Variants in SLC16A7 observed in about 807,000 individuals in gnomAD.
SLC16A7 encodes monocarboxylate transporter 2.
Under a neutral mutation model 34.9 loss-of-function variants are expected in SLC16A7, and 33 were observed. The ratio of observed to expected loss-of-function variants is 0.94; its 90% CI spans 0.72 to 1.26. SLC16A7 has a LOEUF of 1.26. SLC16A7 is among the 50% of genes most tolerant of loss of function. The pLI is 0.00. For missense variants in SLC16A7, 573 were observed against 578.1 expected (o/e 0.99, Z 0.09); for synonymous variants, 201 against 206.6 (o/e 0.97, Z 0.23).
Position 59,785,460 on chromosome 12 carries a change from C to T in SLC16A7, c.*5781C>T, listed in dbSNP as rs1883544503. On this transcript the variant is annotated 3_prime_UTR_variant, in exon 6 of 6. Coordinates refer to ENST00000547379, the MANE Select transcript of SLC16A7 (RefSeq NM_001270623.2). ...AAATGAATTTTTGATTTTACAGAAG[C>T]ATATGGGAATTTAGATCAAATTACA... 6.6e-6 allele frequency: 1 copy of T among 152,176 alleles called. No individual in the cohort carries two copies. The highest frequency in any genetic ancestry group is 1.5e-5 in the Non-Finnish European group (1 of 68,020). The allele number at this position is 152,176 out of a possible 1,614,324, so 9.4% of individuals were successfully genotyped here. A position where few individuals can be genotyped will look rare whatever the true frequency, so the allele number is the denominator to read the frequency against.
intron 3 of SLC16A7, among the ~76,000 whole-genome samples, chr12:59,760,381 G>A (rs1290638797): frequency 6.6e-6 from 1 of 152,016 alleles, no homozygotes; most frequent in African/African-American, 2.4e-5. Flanking sequence ...AGATTAAGCT[G>A]CATTTCATAG....
chr12:59,721,368 A>G (rs557934774), intron 3 of SLC16A7, among the ~76,000 whole-genome samples: 88 of 151,930 alleles, frequency 5.8e-4, no homozygotes, highest in Non-Finnish European at 1.2e-3. Context: ...ATCTATCCTA[A>G]CTAAGGCCAA....
chr12:59,705,408 C>T (rs1873449394), intron 3 of SLC16A7, among the ~76,000 whole-genome samples: 1 of 152,084 alleles, frequency 6.6e-6, no homozygotes, highest in African/African-American at 2.4e-5. Context: ...ATTTAAGTTG[C>T]TGACAGTTTA....
rs1882634642 is a variant in SLC16A7 at position 59,775,203 on chromosome 12, T to C, written c.908T>C (p.Ile303Thr). 1.2e-6 allele frequency: 2 copies of C among 1,614,032 alleles called. No homozygotes were observed. Among genetic ancestry groups the C allele is most frequent in the African/African-American group, 2.7e-5 (2 of 74,924 alleles). Residue 303 changes from isoleucine to threonine, a missense_variant, in exon 5 of 6, where the codon ATT (isoleucine) becomes ACT (threonine). By Grantham distance (89) the Ile-to-Thr change is moderately conservative (BLOSUM62 -1). Transcript: ENST00000547379. ...DMFARPSVGL[I>T]ANSKYIRPRI... is the part of the protein sequence containing the mutation. ...TTTGCTAGGCCTTCTGTAGGATTAA[T>C]TGCAAACTCCAAATATATTCGACCT...
intron 1 of SLC16A7, among the ~76,000 whole-genome samples, chr12:59,649,024 AAAG>A (rs1273619316): frequency 3.3e-5 from 5 of 152,198 alleles, no homozygotes; most frequent in East Asian, 1.9e-4. Context: ...TGTAAGTGAA[AAAG>A]AAGAATTTTT....
intron 2 of SLC16A7, among the ~76,000 whole-genome samples, chr12:59,702,607 A>G (rs1262975187): frequency 1.3e-5 from 2 of 152,092 alleles, no homozygotes; most frequent in South Asian, 2.1e-4. Flanking sequence ...AAAGCCTTTC[A>G]TTTGACCTTG....
chr12:59,599,390 A>AT (rs1301419263), intron 1 of SLC16A7, among the ~76,000 whole-genome samples: 1 of 152,124 alleles, frequency 6.6e-6, no homozygotes, highest in Non-Finnish European at 1.5e-5. Context: ...TATGATGCTC[A>AT]TTTATGCAGA....
chr12:59,754,128 G>T (rs1026644460), intron 3 of SLC16A7, among the ~76,000 whole-genome samples: 2 of 152,130 alleles, frequency 1.3e-5, no homozygotes, highest in African/African-American at 4.8e-5. Context: ...GAAATTTATA[G>T]CACTAAATGC....
At chr12:59,622,764 T>C (rs1009937117) in intron 1 of SLC16A7, among the ~76,000 whole-genome samples, 4 of 151,808 alleles carry the variant, frequency 2.6e-5, no homozygotes, top group Non-Finnish European at 5.9e-5. Flanking sequence ...CTGCTAGCTA[T>C]ATGTAGCCAT....
intron 2 of SLC16A7, among the ~76,000 whole-genome samples, chr12:59,662,736 G>A (rs1335093647): frequency 6.6e-6 from 1 of 152,076 alleles, no homozygotes; most frequent in African/African-American, 2.4e-5. Context: ...AATTGTTAAA[G>A]GTGTTACTGT....
chr12:59,654,992 A>G (rs1239893153), intron 1 of SLC16A7, among the ~76,000 whole-genome samples, 160 bp from the exon 2 acceptor site: 1 of 152,002 alleles, frequency 6.6e-6, no homozygotes, highest in African/African-American at 2.4e-5. Flanking sequence ...TCCTTTAAAT[A>G]AAAGCTTGGA....
intron 3 of SLC16A7, among the ~76,000 whole-genome samples, chr12:59,759,730 TG>T (rs1204888850): frequency 6.6e-6 from 1 of 152,050 alleles, no homozygotes; most frequent in Admixed American, 6.6e-5. Flanking sequence ...CAGAATGCTC[TG>T]ATGCTCTGCC....
chr12:59,665,874 G>C (rs1362153440), intron 2 of SLC16A7, among the ~76,000 whole-genome samples: 1 of 151,648 alleles, frequency 6.6e-6, no homozygotes, highest in Non-Finnish European at 1.5e-5. Context: ...TCTTTCTAAA[G>C]TGTCTGACCT....
chr12:59,629,340 T>C (rs1447231637), intron 1 of SLC16A7, among the ~76,000 whole-genome samples: 1 of 151,878 alleles, frequency 6.6e-6, no homozygotes, highest in East Asian at 1.9e-4. Flanking sequence ...TATACAGTGG[T>C]AGAACAGTAC....
chr12:59,727,275 T>A (rs1229261122), intron 3 of SLC16A7, among the ~76,000 whole-genome samples: 1 of 151,898 alleles, frequency 6.6e-6, no homozygotes, highest in Non-Finnish European at 1.5e-5. Context: ...CGTTAACAGT[T>A]TCATCATAGG....
At chr12:59,754,661 C>T (rs1175803179) in intron 3 of SLC16A7, among the ~76,000 whole-genome samples, 2 of 152,068 alleles carry the variant, frequency 1.3e-5, no homozygotes, top group South Asian at 2.1e-4. Flanking sequence ...GATTCACAGC[C>T]GAATTCTACC....
At chr12:59,642,424 G>A (rs770569472) in intron 1 of SLC16A7, among the ~76,000 whole-genome samples, 6 of 151,920 alleles carry the variant, frequency 3.9e-5, no homozygotes, top group Admixed American at 6.6e-5. Flanking sequence ...TCATAATTAT[G>A]TTTCTTCATT....
At chr12:59,684,858 C>A (rs770305501) in intron 2 of SLC16A7, among the ~76,000 whole-genome samples, 2 of 152,002 alleles carry the variant, frequency 1.3e-5, no homozygotes, top group Non-Finnish European at 2.9e-5. Flanking sequence ...CTGGAAGAGG[C>A]CAGCCTACAG....
intron 1 of SLC16A7, among the ~76,000 whole-genome samples, chr12:59,606,874 T>TTA (rs1490270378): frequency 1.3e-5 from 2 of 150,110 alleles, no homozygotes; most frequent in African/African-American, 2.4e-5. Context: ...GTGTGTGTGA[T>TTA]TATATATATA....
Sources: gnomAD v4.1 joint callset for allele counts (sites outside exome capture counted in the v4.1 genomes callset) on GRCh38, gnomAD v4.1.1 for gene constraint, MANE v1.5 for transcripts, NCBI Gene and HGNC (gene_info 2026-07-23, HGNC 2026-07-21) for gene names.